The following SVBP variants were observed in gnomAD, a reference collection of about 807,000 sequenced individuals.
SVBP encodes the protein small vasohibin binding protein, also known as small vasohibin-binding protein.
SVBP carries 9 observed loss-of-function variants against 9.2 expected under a neutral mutation model. The ratio of observed to expected loss-of-function variants is 0.98; its 90% CI spans 0.59 to 1.71. The LOEUF is 1.71. Among genes scored for constraint, SVBP ranks in the 40% most tolerant of loss-of-function variants. The probability of loss-of-function intolerance (pLI) is 0.00; values close to 1 mark genes in which losing one functional copy is unlikely to be tolerated. For missense variants in SVBP, 63 were observed against 73.2 expected (o/e 0.86, Z 0.51); for synonymous variants, 27 against 23.9 (o/e 1.13, Z -0.37).
rs1160291918 is a variant in SVBP at position 42,816,631 on chromosome 1, T to C, written c.-36-51A>G. ...CTTCAAAACAAAACAAAACAAAAAA[T>C]ACCCTGCCAGTTACTCCTCTAATCC... On this transcript the variant is annotated intron_variant, in intron 1 of 2. Coordinates refer to ENST00000372521, the MANE Select transcript of SVBP (RefSeq NM_199342.4). 4.3e-6 allele frequency: 4 copies of C among 919,834 alleles called. No individual in the cohort carries two copies. The East Asian group carries it at 9.8e-5, about 23-fold the overall frequency. 57.0% of individuals were successfully genotyped at this position (919,834 alleles called of 1,614,324 possible). A position where few individuals can be genotyped will look rare whatever the true frequency, so the allele number is the denominator to read the frequency against.
At chr1:42,814,930 A>G (rs1338465230) in intron 2 of SVBP, among the ~76,000 whole-genome samples, 1 of 152,088 alleles carries the variant, frequency 6.6e-6, no homozygotes, top group East Asian at 1.9e-4. Context: ...TATGTTTATT[A>G]TGGCACTATT....
intron 2 of SVBP, among the ~76,000 whole-genome samples, chr1:42,811,022 C>G (rs1423366615): frequency 1.3e-5 from 2 of 152,020 alleles, no homozygotes; most frequent in African/African-American, 2.4e-5. Context: ...GCCTGTAATC[C>G]CAGCTACTCA....
At chr1:42,816,400 C>CAG in intron 2 of SVBP, 31 bp downstream of exon 2, 1 of 1,421,944 alleles carries the variant, frequency 7.0e-7, no homozygotes. Flanking sequence ...CAGCAGACTA[C>CAG]AGGCATACAG....
chr1:42,814,791 A>G (rs1654163538), intron 2 of SVBP, among the ~76,000 whole-genome samples: 1 of 152,210 alleles, frequency 6.6e-6, no homozygotes, highest in Non-Finnish European at 1.5e-5. Context: ...TAGTTCAACC[A>G]TTATGGAAGA....
intron 2 of SVBP, among the ~76,000 whole-genome samples, chr1:42,811,100 C>G (rs548939116): frequency 6.6e-6 from 1 of 152,236 alleles, no homozygotes; most frequent in Admixed American, 6.5e-5. Context: ...GATCGTGCCA[C>G]TGCACTCCAG....
chr1:42,810,313 A>C (rs894983199), intron 2 of SVBP, among the ~76,000 whole-genome samples: 1 of 151,946 alleles, frequency 6.6e-6, no homozygotes, highest in South Asian at 2.1e-4. Flanking sequence ...GTGCCTGGCT[A>C]ATTTTTTGTA....
At chr1:42,815,282 G>A (rs1654173929) in intron 2 of SVBP, among the ~76,000 whole-genome samples, 1 of 151,324 alleles carries the variant, frequency 6.6e-6, no homozygotes, top group African/African-American at 2.4e-5. Flanking sequence ...ACGAGTTAAT[G>A]GGTGCAGCAC....
In SVBP at chr1:42,816,418, G is replaced by A. The variant is rs933333247; in HGVS notation, c.114+13C>T. 8.3e-6 allele frequency: 13 copies of A among 1,575,256 alleles called. No individual in the cohort carries two copies. Among genetic ancestry groups the A allele is most frequent in the Non-Finnish European group, 1.1e-5 (13 of 1,145,118 alleles). ...CAGACTACAGGCATACAGAGCCTCC[G>A]CCTTAATCTCACCTCTGCTCTTTGT... is the stretch of plus-strand genomic sequence containing the variant. On this transcript the variant is annotated intron_variant, in intron 2 of 2. Coordinates refer to ENST00000372521, the MANE Select transcript of SVBP (RefSeq NM_199342.4).
At chr1:42,808,580 A>G (rs1374135859) in intron 2 of SVBP, among the ~76,000 whole-genome samples, 3 of 146,982 alleles carry the variant, frequency 2.0e-5, no homozygotes, top group African/African-American at 7.4e-5. Context: ...TATACTATAT[A>G]GTATATATGT....
chr1:42,813,593 C>A, intron 2 of SVBP: 1 of 529,582 alleles, frequency 1.9e-6, no homozygotes, highest in Non-Finnish European at 3.8e-6. Flanking sequence ...ATTGGGGGTG[C>A]TCTCCACAGT....
At chr1:42,809,630 G>A (rs746440207) in intron 2 of SVBP, among the ~76,000 whole-genome samples, 24 of 152,294 alleles carry the variant, frequency 1.6e-4, no homozygotes, top group Middle Eastern at 3.4e-3. Context: ...GATCCAAACT[G>A]ACTAGAAAGC....
intron 2 of SVBP, among the ~76,000 whole-genome samples, chr1:42,814,805 TGTG>T (rs1488967565): frequency 2.6e-5 from 4 of 152,146 alleles, no homozygotes; most frequent in Admixed American, 1.3e-4. Context: ...TGGAAGACAA[TGTG>T]GTGATTCCTC....
At chr1:42,809,246 CAG>C (rs1557597843) in intron 2 of SVBP, 1 of 151,734 alleles carries the variant, frequency 6.6e-6, no homozygotes, top group African/African-American at 2.4e-5. Flanking sequence ...AAATGAAAGA[CAG>C]AGTGTGTGTG....
rs369898304 is a variant in SVBP at position 42,807,481 on chromosome 1, A to T, written c.134T>A (p.Val45Asp). Residue 45 changes from valine to aspartate, a missense_variant, in exon 3 of 3, where the codon GTC becomes GAC. By Grantham distance (152) the Val-to-Asp change is radical. Coordinates refer to ENST00000372521, the MANE Select transcript of SVBP (RefSeq NM_199342.4). ...CTGCTGCTGCTCCAGTTCTGTCATG[A>T]CTCTGTTGAGGGCATAGATCTGAAT... The part of the protein sequence containing the change: ...QRAEIYALNR[V>D]MTELEQQQFD... 10 of 1,613,560 alleles carry T rather than the reference A, an allele frequency of 6.2e-6. No homozygotes were observed. The highest frequency in any genetic ancestry group is 8.5e-6 in the Non-Finnish European group (10 of 1,179,680).
At chr1:42,815,578 C>G (rs1005348279) in intron 2 of SVBP, among the ~76,000 whole-genome samples, 18 of 151,840 alleles carry the variant, frequency 1.2e-4, no homozygotes, top group Non-Finnish European at 2.6e-4. Context: ...AAATGTGCAT[C>G]TCTGTAAGAA....
rs140543244 is a variant in SVBP, at chr1:42,808,820, C to T, written c.115-1320G>A. Among the ~76,000 whole-genome samples the T allele has an allele frequency of 5.0e-3, 768 of 152,180 alleles. 11 individuals are homozygous for T. Among genetic ancestry groups the T allele is most frequent in the African/African-American group, 0.018 (746 of 41,498 alleles). ...CAAGCATTTCTCCTGCATCAGCCTC[C>T]CAAGTAGCTGAGATTACAGGTGCCC... On this transcript the variant is annotated intron_variant, in intron 2 of 2. Transcript: ENST00000372521.
chr1:42,812,370 C>T (rs1654100446), intron 2 of SVBP, among the ~76,000 whole-genome samples: 3 of 152,216 alleles, frequency 2.0e-5, no homozygotes, highest in Non-Finnish European at 4.4e-5. Flanking sequence ...TGCGGCCAAA[C>T]ACAGTCAACA....
intron 2 of SVBP, among the ~76,000 whole-genome samples, chr1:42,814,124 T>C (rs1214826775): frequency 6.6e-6 from 1 of 150,674 alleles, no homozygotes; most frequent in Non-Finnish European, 1.5e-5. Context: ...AGTCTAGCTC[T>C]GTCGCCCAGG....
intron 2 of SVBP, 79 bp downstream of exon 2, chr1:42,816,352 T>C (rs1654207711): frequency 1.1e-5 from 12 of 1,050,856 alleles, no homozygotes; most frequent in Middle Eastern, 2.3e-4. Flanking sequence ...TCGCTGTCAG[T>C]TCTCCTTTCT....
Sources: gnomAD v4.1 joint callset for allele counts (sites outside exome capture counted in the v4.1 genomes callset) on GRCh38, gnomAD v4.1.1 for gene constraint, MANE v1.5 for transcripts, NCBI Gene and HGNC (gene_info 2026-07-23, HGNC 2026-07-21) for gene names.